TUBB1: variants seen among roughly 807,000 people sequenced by gnomAD.
The protein encoded by TUBB1 is tubulin beta-1 chain.
Under a neutral mutation model 22.6 loss-of-function variants are expected in TUBB1, and 28 were observed. That is an observed-to-expected ratio of 1.24 (90% CI 0.92 to 1.70). The LOEUF (loss-of-function observed/expected upper bound fraction) is 1.70, where lower values mean the gene tolerates loss of function less well. TUBB1 is among the 40% of genes most tolerant of loss of function. TUBB1 has a pLI of 0.00. For missense variants in TUBB1, 577 were observed against 605.5 expected (o/e 0.95, Z 0.49); for synonymous variants, 226 against 238.0 (o/e 0.95, Z 0.46).
At chr20:59,021,730 C>T (rs2091967917) in intron 1 of TUBB1, among the ~76,000 whole-genome samples, 1 of 152,246 alleles carries the variant, frequency 6.6e-6, no homozygotes, top group African/African-American at 2.4e-5. Flanking sequence ...CACAGTGGCT[C>T]ACGCCTGTGA....
chr20:59,023,004 G>A (rs1202607489), intron 2 of TUBB1, 51 bp downstream of exon 2: 2 of 1,490,520 alleles, frequency 1.3e-6, no homozygotes, highest in African/African-American at 1.4e-5. Context: ...GGGAACACAA[G>A]CAGAGGAAGG....
At position 59,024,499 on chromosome 20, in the gene TUBB1, C is replaced by T. The variant is rs567634011; in HGVS notation, c.1072C>T (p.Pro358Ser). ...NVKVAVCDIPPRGLSMAATFI... is the reference protein window; with the variant it reads ...NVKVAVCDIPSRGLSMAATFI... ...CAAGGTGGCTGTCTGCGACATCCCG[C>T]CCCGGGGGCTGAGCATGGCCGCCAC... Residue 358 changes from proline (P) to serine (S), a missense_variant, in exon 4 of 4, where the codon CCC becomes TCC. Transcript: ENST00000217133. This position sits in a 1 kb window ranked among gnomAD's most constrained non-coding sequence, Gnocchi z 4.9. 1.2e-5 allele frequency: 20 copies of T among 1,614,196 alleles called. No individual in the cohort carries two copies. The African/African-American group carries it at 1.3e-4, about 11-fold the overall frequency.
Position 59,024,845 on chromosome 20 carries a change from C to A in TUBB1, c.*62C>A. Reference sequence around the variant, plus strand: ...ACAGTTTCTCATTAGATGAGTGTTTCTCCTGCAGCACTCCAAAACCCACTC... The same window carrying A: ...ACAGTTTCTCATTAGATGAGTGTTTATCCTGCAGCACTCCAAAACCCACTC... On this transcript the variant is annotated 3_prime_UTR_variant, in exon 4 of 4. Coordinates refer to ENST00000217133, the MANE Select transcript of TUBB1 (RefSeq NM_030773.4). This position sits in a 1 kb window ranked among gnomAD's most constrained non-coding sequence, Gnocchi z 4.9. The A allele has an allele frequency of 6.7e-7, 1 of 1,502,114 alleles. No homozygotes were observed. Among genetic ancestry groups the A allele is most frequent in the Non-Finnish European group, 9.2e-7 (1 of 1,081,226 alleles). 93.0% of individuals were successfully genotyped at this position (1,502,114 alleles called of 1,614,324 possible).
upstream of TUBB1, among the ~76,000 whole-genome samples, chr20:59,016,966 G>A (rs901017604): frequency 1.6e-4 from 24 of 152,178 alleles, no homozygotes; most frequent in African/African-American, 5.6e-4. Context: ...AATGTTACAA[G>A]GGTATTAATC....
In TUBB1 at chr20:59,026,032, A is replaced by T. The variant is rs2091992611; in HGVS notation, c.*1249A>T. 1 of 152,182 alleles carries T rather than the reference A, an allele frequency of 6.6e-6. No individual in the cohort carries two copies. Among genetic ancestry groups the T allele is most frequent in the East Asian group, 1.9e-4 (1 of 5,206 alleles). The allele number at this position is 152,182 out of a possible 1,614,324, so 9.4% of individuals were successfully genotyped here. On this transcript the variant is annotated 3_prime_UTR_variant, in exon 4 of 4. Transcript: ENST00000217133. ...CTGAGATACACTATTTGATCCATGG[A>T]TAACCGGTAATGGGAAAATGCTCCG...
chr20:59,018,163 C>T (rs1324293374), upstream of TUBB1, among the ~76,000 whole-genome samples: 1 of 152,232 alleles, frequency 6.6e-6, no homozygotes, highest in Non-Finnish European at 1.5e-5. Context: ...TCCCCATCTT[C>T]CTTGGAAGCT....
intron 2 of TUBB1, among the ~76,000 whole-genome samples, chr20:59,023,246 A>G (rs1371081593): frequency 1.3e-5 from 2 of 151,498 alleles, no homozygotes; most frequent in African/African-American, 4.9e-5. Flanking sequence ...AAGGAAGAGA[A>G]TCTCTGTCAC....
chr20:59,022,809 G>A (rs2091973617), intron 1 of TUBB1, 36 bp from the exon 2 acceptor site: 7 of 1,592,416 alleles, frequency 4.4e-6, no homozygotes, highest in South Asian at 3.3e-5. Flanking sequence ...AGCCTTTTTC[G>A]GGGTCCGTTT....
Position 59,019,459 on chromosome 20 carries a change from G to A in TUBB1, c.-64G>A, listed in dbSNP as rs144336677. ...TGTGTTGGGCTCACACCAGTGAACCGAAGCTCTGGATTCTGAGAGTCTGAG... is the reference window on the plus strand; with the variant it reads ...TGTGTTGGGCTCACACCAGTGAACCAAAGCTCTGGATTCTGAGAGTCTGAG... On this transcript the variant is annotated 5_prime_UTR_variant, in exon 1 of 4. Coordinates refer to ENST00000217133, the MANE Select transcript of TUBB1 (RefSeq NM_030773.4). 10,789 of 1,594,734 alleles carry A rather than the reference G, an allele frequency of 6.8e-3. 62 individuals carry two copies. The highest frequency in any genetic ancestry group is 8.1e-3 in the Non-Finnish European group (9,398 of 1,162,550).
At position 59,023,524 on chromosome 20, in the gene TUBB1, C is replaced by A. The variant is rs988554913; in HGVS notation, c.201C>A (p.Asp67Glu). The change falls in exon 3 of 4, where the codon GAC (aspartate) becomes GAA (glutamate). Residue 67 changes from aspartate (D) to glutamate (E), a missense_variant. Transcript: ENST00000217133. ...RKYVPRAVLVDLEPGTMDSIR... is the reference protein window; with the variant it reads ...RKYVPRAVLVELEPGTMDSIR... ...ATGTGCCCCGAGCAGTCTTGGTGGACCTAGAACCTGGGACGATGGACAGCA... is the reference window on the plus strand; with the variant it reads ...ATGTGCCCCGAGCAGTCTTGGTGGAACTAGAACCTGGGACGATGGACAGCA... 1 of 1,614,090 alleles carries A rather than the reference C, an allele frequency of 6.2e-7. No individual in the cohort carries two copies. The highest frequency in any genetic ancestry group is 8.5e-7 in the Non-Finnish European group (1 of 1,180,018).
chr20:59,019,703 T>C, intron 1 of TUBB1, 124 bp downstream of exon 1: 4 of 1,016,054 alleles, frequency 3.9e-6, no homozygotes, highest in Non-Finnish European at 6.2e-6. Flanking sequence ...TTGCTAAATA[T>C]CAGACAATGC....
intron 1 of TUBB1, 71 bp from the exon 2 acceptor site, chr20:59,022,774 T>C: frequency 7.1e-7 from 1 of 1,412,910 alleles, no homozygotes; most frequent in Non-Finnish European, 1.0e-6. Context: ...GGCTTGGGAA[T>C]GCTAACTTTC....
chr20:59,022,729 T>C, intron 1 of TUBB1, 116 bp from the exon 2 acceptor site: 6 of 856,756 alleles, frequency 7.0e-6, no homozygotes, highest in South Asian at 1.4e-5. Flanking sequence ...CCTAAAAGAA[T>C]GTCTTGGGGA....
chr20:59,016,951 A>C (rs1347120294), upstream of TUBB1, among the ~76,000 whole-genome samples: 1 of 152,214 alleles, frequency 6.6e-6, no homozygotes, highest in East Asian at 1.9e-4. Flanking sequence ...TTCCAAACTT[A>C]GAGAAATGTT....
In TUBB1 at chr20:59,019,430, C is replaced by T; in HGVS notation, c.-93C>T. ...GCCAGTCCCACCACTGCAGTGACCA[C>T]AGTTGTGTTGGGCTCACACCAGTGA... On this transcript the variant is annotated 5_prime_UTR_variant, in exon 1 of 4. Coordinates refer to ENST00000217133, the MANE Select transcript of TUBB1 (RefSeq NM_030773.4). 1.3e-6 allele frequency: 2 copies of T among 1,483,052 alleles called. No individual in the cohort carries two copies. Among genetic ancestry groups the T allele is most frequent in the Non-Finnish European group, 9.4e-7 (1 of 1,062,250 alleles). 91.9% of individuals were successfully genotyped at this position (1,483,052 alleles called of 1,614,324 possible). A position where few individuals can be genotyped will look rare whatever the true frequency, so the allele number is the denominator to read the frequency against.
chr20:59,017,161 G>A (rs1242712676), upstream of TUBB1, among the ~76,000 whole-genome samples: 8 of 152,196 alleles, frequency 5.3e-5, no homozygotes, highest in Non-Finnish European at 1.5e-5. Context: ...CTTCCACTTA[G>A]AACCACCCTG....
chr20:59,016,592 G>A (rs1366538118), upstream of TUBB1, among the ~76,000 whole-genome samples: 3 of 152,188 alleles, frequency 2.0e-5, no homozygotes, highest in Non-Finnish European at 4.4e-5. Context: ...GAGAGCTGGT[G>A]GGGACAGAGA....
At chr20:59,018,096 C>T (rs1456329721), upstream of TUBB1, among the ~76,000 whole-genome samples, 3 of 152,240 alleles carry the variant, frequency 2.0e-5, no homozygotes, top group Admixed American at 6.5e-5. Context: ...CACAAGGCAG[C>T]GTCCACTGGC....
At position 59,026,400 on chromosome 20, in the gene TUBB1, G is replaced by A. The variant is rs2091994859; in HGVS notation, c.*1617G>A. 1 of 152,184 alleles carries A rather than the reference G, an allele frequency of 6.6e-6. No homozygotes were observed. Among genetic ancestry groups the A allele is most frequent in the Non-Finnish European group, 1.5e-5 (1 of 68,044 alleles). 9.4% of individuals were successfully genotyped at this position (152,184 alleles called of 1,614,324 possible). On this transcript the variant is annotated 3_prime_UTR_variant, in exon 4 of 4. Coordinates refer to ENST00000217133, the MANE Select transcript of TUBB1 (RefSeq NM_030773.4). The stretch of plus-strand genomic sequence containing the variant: ...TTTGAAGTTAGTAACTTCCTGAGAT[G>A]CTAAAGACTTACAGCCTGCGATTAT...
Sources: gnomAD v4.1 joint callset for allele counts (sites outside exome capture counted in the v4.1 genomes callset) on GRCh38, gnomAD v4.1.1 for gene constraint, Gnocchi (gnomAD v3.1) non-coding constraint, MANE v1.5 for transcripts, NCBI Gene and HGNC (gene_info 2026-07-23, HGNC 2026-07-21) for gene names.